ROBO3: variants seen among roughly 807,000 people sequenced by gnomAD.
ROBO3 encodes roundabout guidance receptor 3.
ROBO3 carries 97 observed loss-of-function variants against 160.5 expected under a neutral mutation model. The observed-to-expected ratio is 0.60, with a 90% CI of 0.51 to 0.72. ROBO3 has a LOEUF of 0.72. Ranked by LOEUF, ROBO3 falls within the 30% of genes least tolerant of loss-of-function variation. ROBO3 has a pLI of 0.00. For synonymous variants in ROBO3, 780 were observed against 746.2 expected, an observed-to-expected ratio of 1.05 and a Z score of -0.74; for missense variants, 1,858 against 1,846.5, an observed-to-expected ratio of 1.01 and a Z score of -0.11.
chr11:124,880,624 T>G lies in ROBO3; in HGVS notation c.4149+16T>G. On this transcript the variant is annotated intron_variant, in intron 27 of 27. Coordinates refer to ENST00000397801, the MANE Select transcript of ROBO3 (RefSeq NM_022370.4). Reference sequence around the variant, plus strand: ...ACGCCGAGAGGTAGGGGCCATAGATTGCAGAAAAATGAGGGCAGAGGACTA... The same window carrying G: ...ACGCCGAGAGGTAGGGGCCATAGATGGCAGAAAAATGAGGGCAGAGGACTA... 6.6e-7 allele frequency: 1 copy of G among 1,516,642 alleles called. No homozygotes were observed. Among genetic ancestry groups the G allele is most frequent in the Non-Finnish European group, 8.8e-7 (1 of 1,133,902 alleles). The allele number at this position is 1,516,642 out of a possible 1,614,324, so 93.9% of individuals were successfully genotyped here. A position where few individuals can be genotyped will look rare whatever the true frequency, so the allele number is the denominator to read the frequency against.
Position 124,876,116 on chromosome 11 carries a change from G to T in ROBO3, c.2584G>T (p.Val862Leu). The stretch of plus-strand genomic sequence containing the variant: ...GGGCGTGCCCAGTGCCCCAGTGCTG[G>T]TGCAGCTGCGTGAGTCCACCCGAGG... ...GVGVPSAPVL[V>L]QLPSPPDLEP... is the part of the protein sequence containing the mutation. Residue 862 changes from valine to leucine, a missense_variant, in exon 16 of 28, where the codon GTG (valine) becomes TTG (leucine). Transcript: ENST00000397801. This position sits in a 1 kb window ranked among gnomAD's most constrained non-coding sequence, Gnocchi z 5.3. The T allele has an allele frequency of 6.2e-7, 1 of 1,600,540 alleles. No homozygotes were observed. The highest frequency in any genetic ancestry group is 1.1e-5 in the South Asian group (1 of 90,564).
rs2135341257 is a variant in ROBO3 at position 124,877,926 on chromosome 11, C to G, written c.2987-11C>G. 1 of 1,580,068 alleles carries G rather than the reference C, an allele frequency of 6.3e-7. No individual in the cohort carries two copies. On this transcript the variant is annotated splice_polypyrimidine_tract_variant and intron_variant, in intron 20 of 27. Coordinates refer to ENST00000397801, the MANE Select transcript of ROBO3 (RefSeq NM_022370.4). The stretch of plus-strand genomic sequence containing the variant: ...TCTCTGCTTCCGGGCCTCCCTCTTT[C>G]TTCTCTGCAGAAGCGGGAATCTCCC...
rs780769227 is a variant in ROBO3, at chr11:124,873,286, C to T, written c.1537-24C>T. 1.3e-6 allele frequency: 2 copies of T among 1,592,008 alleles called. No homozygotes were observed. The highest frequency in any genetic ancestry group is 2.3e-5 in the East Asian group (1 of 44,254). ...TGGATCTTGCTCCACTCTCAGTTTG[C>T]CAGTGCTCTGCCCTCTCTTCCAGGA... On this transcript the variant is annotated intron_variant, in intron 9 of 27. Coordinates refer to ENST00000397801, the MANE Select transcript of ROBO3 (RefSeq NM_022370.4). This position sits in a 1 kb window ranked among gnomAD's most constrained non-coding sequence, Gnocchi z 4.5.
In ROBO3 at chr11:124,878,184, A is replaced by G; in HGVS notation, c.3181+53A>G. On this transcript the variant is annotated intron_variant, in intron 21 of 27. Transcript: ENST00000397801. This position sits in a 1 kb window ranked among gnomAD's most constrained non-coding sequence, Gnocchi z 4.3. ...TTAGCCCTGACCAGGGTATCCCCAA[A>G]GAGGATCCTCCTCCCTGACCCTCTG... is the stretch of plus-strand genomic sequence containing the variant. The G allele has an allele frequency of 6.4e-7, 1 of 1,569,620 alleles. No individual in the cohort carries two copies. Among genetic ancestry groups the G allele is most frequent in the African/African-American group, 1.3e-5 (1 of 74,092 alleles).
intron 23 of ROBO3, 70 bp from the exon 24 acceptor site, chr11:124,879,120 A>C: frequency 6.7e-7 from 1 of 1,484,744 alleles, no homozygotes; most frequent in Non-Finnish European, 9.1e-7. Flanking sequence ...TGTCTAGCAC[A>C]GTGCCAGGCA....
Position 124,874,189 on chromosome 11 carries a change from G to C in ROBO3, c.1904G>C (p.Trp635Ser). 6.2e-7 allele frequency: 1 copy of C among 1,613,970 alleles called. No individual in the cohort carries two copies. Among genetic ancestry groups the C allele is most frequent in the South Asian group, 1.1e-5 (1 of 91,086 alleles). Residue 635 changes from tryptophan (W) to serine (S), a missense_variant, in exon 12 of 28, where the codon TGG becomes TCG. Physicochemically the swap from Trp to Ser is radical, Grantham distance 177 (BLOSUM62 -3). Transcript: ENST00000397801. ...YLFLVRAVGA[W>S]GLSEPSPVSE... ...TTTCTGGTTCGAGCAGTGGGAGCCT[G>C]GGGCCTCAGTGAGCCCAGCCCCGTC... is the stretch of plus-strand genomic sequence containing the variant.
intron 1 of ROBO3, among the ~76,000 whole-genome samples, chr11:124,867,658 C>T (rs1027677362): frequency 6.6e-6 from 1 of 152,082 alleles, no homozygotes. Context: ...AGCGCCAGCA[C>T]GGGTCAGCCT....
rs1464261850 is a variant in ROBO3, at chr11:124,872,913, C to T, written c.1360C>T (p.Leu454Phe). Reference sequence around the variant, plus strand: ...TTTGGATGGGCTGCCTCCTGTCATCCTCCAGGGACCAGCCAATCAGACGCT... The same window carrying T: ...TTTGGATGGGCTGCCTCCTGTCATCTTCCAGGGACCAGCCAATCAGACGCT... ...ASLDGLPPVILQGPANQTLVL... is the reference protein window; with the variant it reads ...ASLDGLPPVIFQGPANQTLVL... The change falls in exon 9 of 28, where the codon CTC becomes TTC. Residue 454 changes from leucine to phenylalanine, a missense_variant. Leu to Phe is a conservative substitution (Grantham distance 22). Transcript: ENST00000397801. The surrounding 1 kb of genome is among the most constrained non-coding windows in gnomAD (Gnocchi z 4.3). The T allele has an allele frequency of 1.2e-6, 2 of 1,610,186 alleles. No individual in the cohort carries two copies. Among genetic ancestry groups the T allele is most frequent in the Admixed American group, 3.3e-5 (2 of 59,848 alleles).
intron 15 of ROBO3, 96 bp from the exon 16 acceptor site, chr11:124,875,858 T>A: frequency 6.8e-7 from 1 of 1,474,360 alleles, no homozygotes; most frequent in Non-Finnish European, 9.3e-7. Flanking sequence ...TTGAATTACA[T>A]CTGTATAAGG....
chr11:124,879,529 G>A lies in ROBO3; in HGVS notation c.3750G>A (p.Arg1250=), dbSNP rs1001567275. 2 of 1,613,808 alleles carry A rather than the reference G, an allele frequency of 1.2e-6. No homozygotes were observed. Among genetic ancestry groups the A allele is most frequent in the Admixed American group, 1.7e-5 (1 of 60,006 alleles). The change falls in exon 25 of 28, where the codon CGG becomes CGA. Residue 1250 remains arginine (R), a synonymous_variant. Transcript: ENST00000397801. ...PPLQGPRARF[R]KKPKALPYRR... is the part of the protein sequence containing the mutation. ...TTCAAGGACCCCGTGCTCGATTCCG[G>A]AAGAAACCCAAGGCTCTTCCCTACA...
intron 20 of ROBO3, 110 bp from the exon 21 acceptor site, chr11:124,877,827 G>A (rs1946432730): frequency 1.7e-6 from 2 of 1,160,746 alleles, no homozygotes; most frequent in Non-Finnish European, 2.5e-6. Flanking sequence ...TAGGATGTAA[G>A]GCTTGTGTGG....
At position 124,869,718 on chromosome 11, in the gene ROBO3, C is replaced by T. The variant is rs1946254321; in HGVS notation, c.645+111C>T. 7.6e-7 allele frequency: 1 copy of T among 1,314,362 alleles called. No homozygotes were observed. The highest frequency in any genetic ancestry group is 2.4e-5 in the Admixed American group (1 of 41,756). The allele number at this position is 1,314,362 out of a possible 1,614,324, so 81.4% of individuals were successfully genotyped here. On this transcript the variant is annotated intron_variant, in intron 3 of 27. Coordinates refer to ENST00000397801, the MANE Select transcript of ROBO3 (RefSeq NM_022370.4). The surrounding 1 kb of genome is among the most constrained non-coding windows in gnomAD (Gnocchi z 4.2). Reference sequence around the variant, plus strand: ...CATTAGCTAACCAGAGACTAAGAGTCAGCTATACAGTGAGGGATAAGGAAG... The same window carrying T: ...CATTAGCTAACCAGAGACTAAGAGTTAGCTATACAGTGAGGGATAAGGAAG...
At position 124,881,370 on chromosome 11, in the gene ROBO3, T is replaced by C. The variant is rs1030940024; in HGVS notation, c.*120T>C. 69 of 999,690 alleles carry C rather than the reference T, an allele frequency of 6.9e-5. 1 individual carries two copies. The highest frequency in any genetic ancestry group is 2.9e-4 in the Middle Eastern group (1 of 3,468). 61.9% of individuals were successfully genotyped at this position (999,690 alleles called of 1,614,324 possible). On this transcript the variant is annotated 3_prime_UTR_variant, in exon 28 of 28. Transcript: ENST00000397801. ...AGCCCATTGGTTTCCACGATTTCAA[T>C]TGGCTGAGAAGGCAGAGAGCTAGCT...
At chr11:124,871,375 G>C (rs1392216866) in intron 7 of ROBO3, among the ~76,000 whole-genome samples, 1 of 152,238 alleles carries the variant, frequency 6.6e-6, no homozygotes, top group African/African-American at 2.4e-5. Context: ...GAACAGTCCT[G>C]GATGGTAGGT....
Position 124,872,904 on chromosome 11 carries a change from C to G in ROBO3, c.1351C>G (p.Pro451Ala). 1 of 1,608,768 alleles carries G rather than the reference C, an allele frequency of 6.2e-7. No individual in the cohort carries two copies. The highest frequency in any genetic ancestry group is 8.5e-7 in the Non-Finnish European group (1 of 1,177,924). The change falls in exon 9 of 28, where the codon CCT becomes GCT. Residue 451 changes from proline to alanine, a missense_variant. Pro to Ala is a conservative substitution (Grantham distance 27, BLOSUM62 -1). Transcript: ENST00000397801. The surrounding 1 kb of genome is among the most constrained non-coding windows in gnomAD (Gnocchi z 4.3). ...IKGASLDGLP[P>A]VILQGPANQT... ...CTCAGCCTCTTTGGATGGGCTGCCT[C>G]CTGTCATCCTCCAGGGACCAGCCAA...
Position 124,869,053 on chromosome 11 carries a change from G to A in ROBO3, c.412G>A (p.Glu138Lys), listed in dbSNP as rs1165269981. The change falls in exon 2 of 28, where the codon GAA becomes AAA. Residue 138 changes from glutamate to lysine, a missense_variant. Transcript: ENST00000397801. This position sits in a 1 kb window ranked among gnomAD's most constrained non-coding sequence, Gnocchi z 4.2. ...IVHGRRARPD[E>K]GVYTCVARNY... The stretch of plus-strand genomic sequence containing the variant: ...GCACGGGCGCCGCGCGCGGCCGGAC[G>A]AAGGTGTCTACACTTGCGTGGCTCG... 21 of 1,603,350 alleles carry A rather than the reference G, an allele frequency of 1.3e-5. No homozygotes were observed. The highest frequency in any genetic ancestry group is 1.0e-5 in the Non-Finnish European group (12 of 1,175,536).
rs776448280 is a variant in ROBO3 at position 124,879,192 on chromosome 11, G to T, written c.3536G>T (p.Arg1179Met). The change falls in exon 24 of 28, where the codon AGG (arginine) becomes ATG (methionine). Residue 1179 changes from arginine (R) to methionine (M), a missense_variant and splice_region_variant. Arg to Met is a moderately conservative substitution (Grantham distance 91). Transcript: ENST00000397801. ...GCTGCGGCCTCCTGTCATTGCAGGA[G>T]GGTGCCCCTTGGGCCGAGTTCCCCT... ...DMPHLHQMPR[R>M]VPLGPSSPLS... The T allele has an allele frequency of 5.8e-6, 9 of 1,551,056 alleles. No individual in the cohort carries two copies. The South Asian group carries it at 9.5e-5, about 16-fold the overall frequency.
Position 124,865,781 on chromosome 11 carries a change from T to C in ROBO3, c.160+44T>C. On this transcript the variant is annotated intron_variant, in intron 1 of 27. Coordinates refer to ENST00000397801, the MANE Select transcript of ROBO3 (RefSeq NM_022370.4). The surrounding 1 kb of genome is among the most constrained non-coding windows in gnomAD (Gnocchi z 5.5). ...GGGATATGGGATCCTGGGATGGGGA[T>C]GAGGTGAGAGGGCGGCGTGGAAGGG... The C allele has an allele frequency of 6.4e-7, 1 of 1,558,466 alleles. No homozygotes were observed. The highest frequency in any genetic ancestry group is 8.7e-7 in the Non-Finnish European group (1 of 1,152,154).
At chr11:124,874,721 G>T (rs1040525407) in intron 12 of ROBO3, 67 bp from the exon 13 acceptor site, 1 of 1,526,146 alleles carries the variant, frequency 6.6e-7, no homozygotes, top group South Asian at 1.3e-5. Flanking sequence ...GGTAGGACAC[G>T]AGCACACTCT....
Sources: allele counts gnomAD v4.1 joint callset (sites outside exome capture counted in the v4.1 genomes callset), GRCh38; gene constraint gnomAD v4.1.1; non-coding constraint Gnocchi (gnomAD v3.1); transcripts MANE v1.5; gene names NCBI Gene and HGNC (gene_info 2026-07-23, HGNC 2026-07-21).